Variants in ZMAT4 observed in about 807,000 individuals in gnomAD.
ZMAT4 encodes the protein zinc finger matrin-type 4.
ZMAT4 carries 17 observed loss-of-function variants against 28.7 expected under a neutral mutation model. The ratio of observed to expected loss-of-function variants is 0.59; its 90% CI spans 0.41 to 0.89. The LOEUF (loss-of-function observed/expected upper bound fraction) is 0.89, where lower values mean the gene tolerates loss of function less well. ZMAT4 is among the 40% of genes least tolerant of loss of function. The pLI is 0.00. For synonymous variants in ZMAT4, 117 were observed against 109.2 expected, an observed-to-expected ratio of 1.07 and a Z score of -0.44; for missense variants, 240 against 283.8, an observed-to-expected ratio of 0.85 and a Z score of 1.11.
intron 3 of ZMAT4, among the ~76,000 whole-genome samples, chr8:40,752,927 G>C (rs1474439675): frequency 1.3e-5 from 2 of 152,010 alleles, no homozygotes; most frequent in African/African-American, 4.8e-5. Context: ...TGCAGAACGT[G>C]CAGGTTTGTT....
rs371097415 is a variant in ZMAT4, at chr8:40,642,530, T to G, written c.577+32174A>C. ...AAATAGGGTCATCCCTTTAAGACAA[T>G]ATATCATTAACTCTATCTAGTACCA... On this transcript the variant is annotated intron_variant, in intron 5 of 6. Transcript: ENST00000297737. 5.9e-5 allele frequency among the ~76,000 whole-genome samples: 9 copies of G among 152,278 alleles called. No homozygotes were observed. In the South Asian group the frequency reaches 1.9e-3, roughly 32 times the overall value.
chr8:40,707,484 C>T (rs7842073), intron 3 of ZMAT4, among the ~76,000 whole-genome samples: 7,010 of 152,120 alleles, frequency 0.046, 312 homozygotes, highest in East Asian at 0.25. Context: ...GGAGTAAAAC[C>T]TACCCTATCT....
intron 6 of ZMAT4, among the ~76,000 whole-genome samples, chr8:40,538,069 G>A (rs1446015242): frequency 1.3e-5 from 2 of 152,116 alleles, no homozygotes; most frequent in Admixed American, 6.6e-5. Context: ...ACTGTTTCAG[G>A]CCATGATGGG....
At chr8:40,564,599 C>T (rs1307077399) in intron 6 of ZMAT4, among the ~76,000 whole-genome samples, 3 of 152,166 alleles carry the variant, frequency 2.0e-5, no homozygotes, top group Non-Finnish European at 4.4e-5. Flanking sequence ...GAACATATCA[C>T]TTTGAGAAAA....
At chr8:40,810,140 T>C (rs113661621) in intron 2 of ZMAT4, among the ~76,000 whole-genome samples, 10 of 152,322 alleles carry the variant, frequency 6.6e-5, no homozygotes, top group African/African-American at 2.4e-4. Context: ...GTATATAATA[T>C]ATATGCATGT....
intron 6 of ZMAT4, among the ~76,000 whole-genome samples, chr8:40,580,880 A>G (rs1804441983): frequency 6.6e-6 from 1 of 152,316 alleles, no homozygotes; most frequent in South Asian, 2.1e-4. Context: ...TAAGAATAAT[A>G]TTATTGATTT....
intron 2 of ZMAT4, among the ~76,000 whole-genome samples, chr8:40,796,615 T>G (rs1294774312): frequency 6.6e-6 from 1 of 152,056 alleles, no homozygotes; most frequent in Admixed American, 6.6e-5. Context: ...AGTTCTCCCT[T>G]AAATGCACTA....
intron 1 of ZMAT4, among the ~76,000 whole-genome samples, chr8:40,830,663 G>C (rs191920117): frequency 1.8e-4 from 28 of 152,250 alleles, no homozygotes; most frequent in African/African-American, 6.7e-4. Context: ...GTCTTTTGGG[G>C]TATCTGTGTG....
At chr8:40,560,075 C>G (rs1480234083) in intron 6 of ZMAT4, among the ~76,000 whole-genome samples, 1 of 152,050 alleles carries the variant, frequency 6.6e-6, no homozygotes, top group African/African-American at 2.4e-5. Flanking sequence ...GTCCTAATGA[C>G]AGTTTGTCCA....
At chr8:40,785,053 G>A (rs902428898) in intron 2 of ZMAT4, among the ~76,000 whole-genome samples, 2 of 152,134 alleles carry the variant, frequency 1.3e-5, no homozygotes, top group African/African-American at 2.4e-5. Flanking sequence ...TGTTTTCCTC[G>A]CACCCAAGAT....
chr8:40,806,795 A>T (rs1198795855), intron 2 of ZMAT4, among the ~76,000 whole-genome samples: 1 of 152,156 alleles, frequency 6.6e-6, no homozygotes, highest in Non-Finnish European at 1.5e-5. Context: ...GTGTTTTTTT[A>T]AAATCTAGAA....
At chr8:40,650,886 C>T (rs1179950359) in intron 5 of ZMAT4, among the ~76,000 whole-genome samples, 2 of 152,090 alleles carry the variant, frequency 1.3e-5, no homozygotes, top group Non-Finnish European at 2.9e-5. Flanking sequence ...ACCCTTCAGG[C>T]TGAAAACTCT....
At chr8:40,876,610 C>A (rs932210466) in intron 1 of ZMAT4, among the ~76,000 whole-genome samples, 1 of 152,184 alleles carries the variant, frequency 6.6e-6, no homozygotes, top group African/African-American at 2.4e-5. Flanking sequence ...CCACTGCACC[C>A]GGCCTGCTTA....
At chr8:40,756,423 CTT>C (rs1491100863) in intron 3 of ZMAT4, among the ~76,000 whole-genome samples, 28 of 26,814 alleles carry the variant, frequency 1.0e-3, no homozygotes, top group Admixed American at 5.3e-3. Context: ...AGGAAATGTT[CTT>C]TTATATATAT....
chr8:40,660,518 G>A (rs1248465691), intron 5 of ZMAT4, among the ~76,000 whole-genome samples: 1 of 152,090 alleles, frequency 6.6e-6, no homozygotes, highest in African/African-American at 2.4e-5. Context: ...CACCTAATAG[G>A]CATTTGTTGA....
intron 3 of ZMAT4, among the ~76,000 whole-genome samples, chr8:40,699,572 C>T (rs896086019): frequency 4.2e-5 from 6 of 143,936 alleles, no homozygotes; most frequent in Non-Finnish European, 7.5e-5. Flanking sequence ...CATCAATAGA[C>T]GATTGGATAA....
Position 40,608,446 on chromosome 8 carries a change from T to G in ZMAT4, c.578-27185A>C, listed in dbSNP as rs111845919. Reference sequence around the variant, plus strand: ...TGTGGCCTCCCAACAGCATTGAGTTTATTTCCAGGCAGCTAGTGAGCAGGG... The same window carrying G: ...TGTGGCCTCCCAACAGCATTGAGTTGATTTCCAGGCAGCTAGTGAGCAGGG... On this transcript the variant is annotated intron_variant, in intron 5 of 6. Transcript: ENST00000297737. Among the ~76,000 whole-genome samples the G allele has an allele frequency of 2.4e-3, 368 of 152,228 alleles. 2 individuals are homozygous for G. Among genetic ancestry groups the G allele is most frequent in the African/African-American group, 8.5e-3 (351 of 41,536 alleles).
intron 5 of ZMAT4, among the ~76,000 whole-genome samples, chr8:40,653,786 CAA>C (rs1040748566): frequency 6.6e-6 from 1 of 151,848 alleles, no homozygotes; most frequent in African/African-American, 2.4e-5. Flanking sequence ...ATATTTCATA[CAA>C]AAAAAGAGTC....
At chr8:40,584,013 A>G (rs953133277) in intron 5 of ZMAT4, among the ~76,000 whole-genome samples, 2 of 152,132 alleles carry the variant, frequency 1.3e-5, no homozygotes, top group African/African-American at 4.8e-5. Context: ...CTTGAAGGCA[A>G]ATTGTGAGGG....
Sources: allele counts gnomAD v4.1 joint callset (sites outside exome capture counted in the v4.1 genomes callset), GRCh38; gene constraint gnomAD v4.1.1; transcripts MANE v1.5; gene names NCBI Gene and HGNC (gene_info 2026-07-23, HGNC 2026-07-21).